The following PAPPA2 variants were observed in gnomAD, a reference collection of about 807,000 sequenced individuals.
PAPPA2 encodes the protein pappalysin-2.
A neutral mutation model predicts 176.4 loss-of-function variants in PAPPA2; 86 were observed. The ratio of observed to expected loss-of-function variants is 0.49; its 90% CI spans 0.41 to 0.58. The LOEUF is 0.58. PAPPA2 is among the 20% of genes least tolerant of loss of function. The pLI is 0.00. For missense variants in PAPPA2, 2,073 were observed against 2,256.9 expected, an observed-to-expected ratio of 0.92 and a Z score of 1.65; for synonymous variants, 809 against 852.2, an observed-to-expected ratio of 0.95 and a Z score of 0.88.
chr1:176,465,763 CAT>C lies in PAPPA2; in HGVS notation c.-917+2346_-917+2347del, dbSNP rs1414346326. Among the ~76,000 whole-genome samples the C allele has an allele frequency of 9.9e-5, 15 of 151,746 alleles. No homozygotes were observed. In the East Asian group the frequency reaches 2.9e-3, roughly 29 times the overall value. On this transcript the variant is annotated intron_variant, in intron 1 of 22. Transcript: ENST00000367662. ...TCACACAGGTATTAAGCCTAGTACC[CAT>C]TAGTTATTTTTCCTGATCCTCTCCC...
intron 21 of PAPPA2, among the ~76,000 whole-genome samples, chr1:176,824,460 T>A (rs1666780435): frequency 6.6e-6 from 1 of 152,216 alleles, no homozygotes; most frequent in African/African-American, 2.4e-5. Flanking sequence ...TGTCATATAT[T>A]CCTTGGGAAA....
At chr1:176,791,610 G>T in intron 19 of PAPPA2, 128 bp downstream of exon 19, 1 of 1,107,220 alleles carries the variant, frequency 9.0e-7, no homozygotes, top group Non-Finnish European at 1.3e-6. Context: ...CTGGGGTGCA[G>T]TGGCACAGTC....
chr1:176,818,964 C>T (rs972833268), intron 21 of PAPPA2, among the ~76,000 whole-genome samples: 6 of 152,180 alleles, frequency 3.9e-5, no homozygotes, highest in African/African-American at 1.4e-4. Context: ...TTATCACTTT[C>T]TAATTTGCTG....
At chr1:176,498,989 C>T (rs959105790) in intron 1 of PAPPA2, among the ~76,000 whole-genome samples, 1 of 151,920 alleles carries the variant, frequency 6.6e-6, no homozygotes, top group African/African-American at 2.4e-5. Flanking sequence ...ATTCTTATTT[C>T]TTTTTACTTT....
chr1:176,517,298 T>C (rs1326814644), intron 1 of PAPPA2, among the ~76,000 whole-genome samples: 2 of 152,086 alleles, frequency 1.3e-5, no homozygotes, highest in East Asian at 1.9e-4. Flanking sequence ...AGCATGAATA[T>C]TAATTAGCTA....
intron 4 of PAPPA2, among the ~76,000 whole-genome samples, chr1:176,674,635 T>C (rs1388508675): frequency 6.6e-6 from 1 of 152,082 alleles, no homozygotes; most frequent in South Asian, 2.1e-4. Context: ...TATACACATA[T>C]ACTGTATTTT....
At chr1:176,756,859 C>G (rs1046507784) in intron 14 of PAPPA2, among the ~76,000 whole-genome samples, 11 of 152,188 alleles carry the variant, frequency 7.2e-5, no homozygotes, top group Admixed American at 7.2e-4. Context: ...ATGCCTCCCC[C>G]AGCCCCGCCG....
intron 2 of PAPPA2, among the ~76,000 whole-genome samples, chr1:176,585,969 T>A (rs1432869221): frequency 5.3e-5 from 8 of 152,146 alleles, no homozygotes; most frequent in Non-Finnish European, 1.0e-4. Context: ...TGATTTTCCT[T>A]AAGATTATTA....
intron 12 of PAPPA2, among the ~76,000 whole-genome samples, chr1:176,727,489 G>C (rs531439894): frequency 3.9e-4 from 60 of 152,086 alleles, no homozygotes; most frequent in Non-Finnish European, 6.9e-4. Flanking sequence ...TGATAAATAG[G>C]TTAATTTCTA....
At chr1:176,691,557 G>C (rs1355631155) in intron 5 of PAPPA2, among the ~76,000 whole-genome samples, 1 of 152,322 alleles carries the variant, frequency 6.6e-6, no homozygotes, top group African/African-American at 2.4e-5. Flanking sequence ...TGACTGGTGT[G>C]CTTTCACTAG....
Position 176,834,284 on chromosome 1 carries a change from A to G in PAPPA2, c.5203-5889A>G, listed in dbSNP as rs372502329. On this transcript the variant is annotated intron_variant, in intron 21 of 22. Transcript: ENST00000367662. ...AGCCAGATGAAATTTTCCAGAGAAG[A>G]TTGTTCCTAAGAAACTATTCCTGCA... 1.2e-4 allele frequency among the ~76,000 whole-genome samples: 18 copies of G among 152,306 alleles called. No individual in the cohort carries two copies. In the East Asian group the frequency reaches 2.5e-3, roughly 21 times the overall value.
At chr1:176,594,499 C>T (rs769200868) in intron 2 of PAPPA2, 25 bp from the exon 3 acceptor site, 2 of 1,583,156 alleles carry the variant, frequency 1.3e-6, no homozygotes, top group Admixed American at 3.4e-5. Flanking sequence ...TCTGTCTCTT[C>T]CCTCGATTCT....
intron 21 of PAPPA2, among the ~76,000 whole-genome samples, chr1:176,806,229 A>G (rs1467764987): frequency 6.6e-6 from 1 of 152,132 alleles, no homozygotes; most frequent in African/African-American, 2.4e-5. Flanking sequence ...TGTCTCATCT[A>G]TCACATATTT....
intron 2 of PAPPA2, among the ~76,000 whole-genome samples, chr1:176,578,687 G>A (rs551383687): frequency 1.8e-3 from 281 of 152,238 alleles, no homozygotes; most frequent in Middle Eastern, 3.4e-3. Flanking sequence ...GAAACTTAAG[G>A]TAAGTTTTGA....
intron 17 of PAPPA2, among the ~76,000 whole-genome samples, chr1:176,785,282 T>A (rs967098826): frequency 1.3e-5 from 2 of 152,212 alleles, no homozygotes; most frequent in East Asian, 3.9e-4. Context: ...TAAGCTGGGA[T>A]CCATGAAATG....
intron 3 of PAPPA2, among the ~76,000 whole-genome samples, chr1:176,610,698 T>A (rs2102677038): frequency 6.6e-6 from 1 of 152,272 alleles, no homozygotes; most frequent in East Asian, 1.9e-4. Context: ...TGGTGATGAT[T>A]AAGATAGTAA....
At chr1:176,487,637 A>G (rs1475007642) in intron 1 of PAPPA2, among the ~76,000 whole-genome samples, 1 of 152,148 alleles carries the variant, frequency 6.6e-6, no homozygotes, top group African/African-American at 2.4e-5. Context: ...CCAAGAATTC[A>G]TTGTCTTGAC....
chr1:176,561,397 C>T (rs1328023615), intron 2 of PAPPA2, among the ~76,000 whole-genome samples: 1 of 152,152 alleles, frequency 6.6e-6, no homozygotes, highest in Non-Finnish European at 1.5e-5. Context: ...TTACTGGGAG[C>T]AGCACGTTAA....
intron 8 of PAPPA2, among the ~76,000 whole-genome samples, chr1:176,700,108 C>T (rs1660583752): frequency 6.6e-6 from 1 of 152,160 alleles, no homozygotes; most frequent in Admixed American, 6.5e-5. Flanking sequence ...CCCCAATAAC[C>T]AACTCTCTTT....
Sources: allele counts gnomAD v4.1 joint callset (sites outside exome capture counted in the v4.1 genomes callset), GRCh38; gene constraint gnomAD v4.1.1; transcripts MANE v1.5; gene names NCBI Gene and HGNC (gene_info 2026-07-23, HGNC 2026-07-21).